Variants in PIK3C2G observed in about 807,000 individuals in gnomAD.
The protein encoded by PIK3C2G is phosphatidylinositol 3-kinase C2 domain-containing subunit gamma.
A neutral mutation model predicts 181.1 loss-of-function variants in PIK3C2G; 168 were observed. That is an observed-to-expected ratio of 0.93 (90% CI 0.82 to 1.05). The LOEUF (loss-of-function observed/expected upper bound fraction) is 1.05, where lower values mean the gene tolerates loss of function less well. Among genes scored for constraint, PIK3C2G ranks in the 50% least tolerant of loss-of-function variants. The pLI is 0.00. For synonymous variants in PIK3C2G, 573 were observed against 592.2 expected (o/e 0.97, Z 0.47); for missense variants, 1,869 against 1,732.8 (o/e 1.08, Z -1.40).
chr12:18,623,434 T>C (rs1948953938), intron 31 of PIK3C2G, among the ~76,000 whole-genome samples: 1 of 151,888 alleles, frequency 6.6e-6, no homozygotes, highest in Non-Finnish European at 1.5e-5. Flanking sequence ...GTTTAATTAC[T>C]ATCATTTTGT....
chr12:18,701,396 A>G, the PIK3C2G span: 4 of 1,565,170 alleles, frequency 2.6e-6, no homozygotes, highest in African/African-American at 4.1e-5. Flanking sequence ...TAGAGTTTTT[A>G]TAAGAAGGAA....
intron 24 of PIK3C2G, among the ~76,000 whole-genome samples, chr12:18,523,731 G>A (rs940317113): frequency 6.6e-6 from 1 of 152,176 alleles, no homozygotes; most frequent in Admixed American, 6.5e-5. Flanking sequence ...GATACTCTGT[G>A]GATAATCACT....
Position 18,440,930 on chromosome 12 carries a change from G to T in PIK3C2G, c.2504+16891G>T, listed in dbSNP as rs139312088. Among the ~76,000 whole-genome samples, 9 of 152,140 alleles carry T rather than the reference G, an allele frequency of 5.9e-5. No homozygotes were observed. In the East Asian group the frequency reaches 1.7e-3, roughly 29 times the overall value. On this transcript the variant is annotated intron_variant, in intron 18 of 32. Transcript: ENST00000538779. ...AAATGAGAAAATTATCAACATATAC[G>T]TAAGGTTCAAAGCCACATTAACAGA...
At chr12:18,312,809 AT>A (rs1950695828) in intron 5 of PIK3C2G, among the ~76,000 whole-genome samples, 1 of 152,144 alleles carries the variant, frequency 6.6e-6, no homozygotes, top group South Asian at 2.1e-4. Context: ...TTTTTTAAGT[AT>A]TAAAAACAAC....
intron 6 of PIK3C2G, among the ~76,000 whole-genome samples, chr12:18,319,669 T>C (rs2137450068): frequency 6.6e-6 from 1 of 152,342 alleles, no homozygotes; most frequent in South Asian, 2.1e-4. Context: ...AAGTATATTC[T>C]TTATATTCTT....
chr12:18,637,492 A>G (rs1308814264), intron 31 of PIK3C2G, among the ~76,000 whole-genome samples: 2 of 151,482 alleles, frequency 1.3e-5, no homozygotes, highest in Admixed American at 1.3e-4. Flanking sequence ...AGCCTACATC[A>G]TGCGTCTGCA....
At chr12:18,626,638 T>A (rs1949111851) in intron 31 of PIK3C2G, among the ~76,000 whole-genome samples, 1 of 152,002 alleles carries the variant, frequency 6.6e-6, no homozygotes, top group Non-Finnish European at 1.5e-5. Context: ...CTGGGAAAGT[T>A]TTTATTTCTT....
intron 18 of PIK3C2G, among the ~76,000 whole-genome samples, chr12:18,460,097 T>C (rs1327458132): frequency 6.6e-6 from 1 of 152,126 alleles, no homozygotes; most frequent in African/African-American, 2.4e-5. Flanking sequence ...TTTCTACATG[T>C]TATACTTATT....
At chr12:18,303,493 G>A (rs944693344) in intron 5 of PIK3C2G, among the ~76,000 whole-genome samples, 7 of 151,860 alleles carry the variant, frequency 4.6e-5, no homozygotes, top group African/African-American at 1.7e-4. Context: ...GCACCACCAC[G>A]CCTATCTAAT....
chr12:18,322,897 T>G (rs1025784368), intron 7 of PIK3C2G, among the ~76,000 whole-genome samples: 3 of 152,042 alleles, frequency 2.0e-5, no homozygotes, highest in Non-Finnish European at 2.9e-5. Flanking sequence ...GTTTCCTTTC[T>G]CCAAAATAAA....
chr12:18,314,204 A>G (rs1416477565), intron 6 of PIK3C2G, 140 bp downstream of exon 6: 1 of 587,042 alleles, frequency 1.7e-6, no homozygotes, highest in East Asian at 2.8e-5. Context: ...TTGAAACATG[A>G]TGAAATATCT....
intron 21 of PIK3C2G, among the ~76,000 whole-genome samples, chr12:18,496,867 A>T (rs187180890): frequency 6.6e-6 from 1 of 152,308 alleles, no homozygotes; most frequent in East Asian, 1.9e-4. Flanking sequence ...CTCAAGAGTT[A>T]GTGGTCCCAC....
intron 19 of PIK3C2G, among the ~76,000 whole-genome samples, chr12:18,491,082 C>G (rs1250130365): frequency 6.6e-6 from 1 of 152,022 alleles, no homozygotes; most frequent in African/African-American, 2.4e-5. Flanking sequence ...AGAAAATTAT[C>G]AGAAAAGGAT....
the PIK3C2G span, chr12:18,719,728 G>T: frequency 1.3e-6 from 1 of 772,530 alleles, no homozygotes; most frequent in Non-Finnish European, 2.0e-6. Context: ...CAGTAGTAGA[G>T]CATATTTCTA....
chr12:18,318,720 T>C (rs751605072), intron 6 of PIK3C2G, among the ~76,000 whole-genome samples: 23 of 152,060 alleles, frequency 1.5e-4, no homozygotes, highest in East Asian at 1.9e-4. Context: ...GATAATATTT[T>C]TATTTTAAAC....
intron 17 of PIK3C2G, among the ~76,000 whole-genome samples, chr12:18,421,506 C>G (rs909344209): frequency 1.3e-5 from 2 of 151,806 alleles, no homozygotes; most frequent in African/African-American, 4.8e-5. Flanking sequence ...CATCAAATAT[C>G]ACAATGTTGG....
intron 1 of PIK3C2G, among the ~76,000 whole-genome samples, chr12:18,255,085 G>A (rs964139598): frequency 2.0e-5 from 3 of 151,274 alleles, no homozygotes; most frequent in South Asian, 2.1e-4. Context: ...AAAATTAGTC[G>A]GGCACATGCC....
chr12:18,293,798 A>G (rs1025620551), intron 4 of PIK3C2G, 103 bp from the exon 5 acceptor site: 1 of 663,096 alleles, frequency 1.5e-6, no homozygotes, highest in Non-Finnish European at 2.7e-6. Context: ...CTAGACAGTT[A>G]CAATCCTTCA....
intron 29 of PIK3C2G, among the ~76,000 whole-genome samples, chr12:18,572,827 C>G (rs1045308195): frequency 5.3e-5 from 8 of 150,230 alleles, no homozygotes; most frequent in African/African-American, 2.0e-4. Flanking sequence ...TCTGACATAA[C>G]TTCTGGGTTA....
Sources: allele counts gnomAD v4.1 joint callset (sites outside exome capture counted in the v4.1 genomes callset), GRCh38; gene constraint gnomAD v4.1.1; transcripts MANE v1.5; gene names NCBI Gene and HGNC (gene_info 2026-07-23, HGNC 2026-07-21).